The following RNF19A variants were observed in gnomAD, a reference collection of about 807,000 sequenced individuals.
RNF19A encodes ring finger protein 19A, RBR E3 ubiquitin protein ligase, also known as E3 ubiquitin-protein ligase RNF19A.
Under a neutral mutation model 75.7 loss-of-function variants are expected in RNF19A, and 32 were observed. That is an observed-to-expected ratio of 0.42 (90% CI 0.32 to 0.57). The LOEUF (loss-of-function observed/expected upper bound fraction) is 0.57, where lower values mean the gene tolerates loss of function less well. RNF19A is among the 20% of genes least tolerant of loss of function. The pLI, the probability that RNF19A is intolerant of heterozygous loss-of-function variation, is 0.10. For missense variants in RNF19A, 782 were observed against 1,036.3 expected (o/e 0.75, Z 3.37); for synonymous variants, 335 against 345.2 (o/e 0.97, Z 0.33).
chr8:100,321,589 G>A (rs1822466472), intron 1 of RNF19A, among the ~76,000 whole-genome samples: 1 of 152,226 alleles, frequency 6.6e-6, no homozygotes, highest in Non-Finnish European at 1.5e-5. Flanking sequence ...CGCTTCCCAT[G>A]AATGACAAAT....
chr8:100,334,943 T>C (rs1438508766), intron 1 of RNF19A, among the ~76,000 whole-genome samples: 1 of 152,218 alleles, frequency 6.6e-6, no homozygotes, highest in Non-Finnish European at 1.5e-5. Flanking sequence ...AATGGGTAGA[T>C]AGACCAGCAC....
At chr8:100,320,866 T>C (rs1176568007) in intron 1 of RNF19A, among the ~76,000 whole-genome samples, 1 of 152,230 alleles carries the variant, frequency 6.6e-6, no homozygotes, top group Non-Finnish European at 1.5e-5. Flanking sequence ...GGTTTCCTAT[T>C]ATATAAAAGT....
intron 1 of RNF19A, among the ~76,000 whole-genome samples, chr8:100,316,920 C>T (rs1191650967): frequency 6.6e-6 from 1 of 152,216 alleles, no homozygotes; most frequent in Non-Finnish European, 1.5e-5. Context: ...CCCTGCCCCG[C>T]GGGAAGGCAG....
rs1820947135 is a variant in RNF19A at position 100,284,957 on chromosome 8, T to C, written c.674+2544A>G. Among the ~76,000 whole-genome samples the C allele has an allele frequency of 6.6e-6, 1 of 152,126 alleles. No individual in the cohort carries two copies. Among genetic ancestry groups the C allele is most frequent in the East Asian group, 1.9e-4 (1 of 5,204 alleles). The stretch of plus-strand genomic sequence containing the variant: ...ATGAACTGGAAATCAGAACCTTTAT[T>C]TACCAGTGGCTTTACAAGTAACTTG... On this transcript the variant is annotated intron_variant, in intron 2 of 9. Coordinates refer to ENST00000341084, the MANE Select transcript of RNF19A (RefSeq NM_183419.4). The surrounding 1 kb of genome is among the most constrained non-coding windows in gnomAD (Gnocchi z 4.3).
In RNF19A at chr8:100,284,622, A is replaced by G. The variant is rs1820933153; in HGVS notation, c.674+2879T>C. ...GCAAGTGTTTCTATTATTTTATGAT[A>G]TTTTATATTTGAGTTAACATTTGAA... is the stretch of plus-strand genomic sequence containing the variant. On this transcript the variant is annotated intron_variant, in intron 2 of 9. Transcript: ENST00000341084. The surrounding 1 kb of genome is among the most constrained non-coding windows in gnomAD (Gnocchi z 4.3). 6.6e-6 allele frequency among the ~76,000 whole-genome samples: 1 copy of G among 152,084 alleles called. No homozygotes were observed. Among genetic ancestry groups the G allele is most frequent in the Non-Finnish European group, 1.5e-5 (1 of 67,954 alleles).
chr8:100,268,361 C>T (rs1275460349), intron 5 of RNF19A, among the ~76,000 whole-genome samples: 1 of 151,970 alleles, frequency 6.6e-6, no homozygotes, highest in Non-Finnish European at 1.5e-5. Flanking sequence ...AAAAAAAAAG[C>T]TTTGAACTAC....
In RNF19A at chr8:100,257,918, C is replaced by A; in HGVS notation, c.*638G>T. 1 of 398,218 alleles carries A rather than the reference C, an allele frequency of 2.5e-6. No individual in the cohort carries two copies. Among genetic ancestry groups the A allele is most frequent in the Non-Finnish European group, 4.4e-6 (1 of 225,658 alleles). The allele number at this position is 398,218 out of a possible 1,614,324, so 24.7% of individuals were successfully genotyped here. A position where few individuals can be genotyped will look rare whatever the true frequency, so the allele number is the denominator to read the frequency against. On this transcript the variant is annotated 3_prime_UTR_variant, in exon 10 of 10. Transcript: ENST00000341084. ...ATTTTTTCCTCTAAGATGGCATCAA[C>A]AATAAACAAGATAGAGTACCAGGTA...
At chr8:100,326,893 T>C (rs766322330) in intron 1 of RNF19A, among the ~76,000 whole-genome samples, 18 of 152,234 alleles carry the variant, frequency 1.2e-4, no homozygotes, top group Non-Finnish European at 2.2e-4. Context: ...TTTATTTAAG[T>C]GTTATCTTAT....
chr8:100,289,356 A>C lies in RNF19A; in HGVS notation c.-93-1089T>G, dbSNP rs1586651446. ...CCAACCATAAAATAAAAGACTGATA[A>C]ACTGGACTAGAATAAAATCAACAGA... On this transcript the variant is annotated intron_variant, in intron 1 of 9. Coordinates refer to ENST00000341084, the MANE Select transcript of RNF19A (RefSeq NM_183419.4). Among the ~76,000 whole-genome samples the C allele has an allele frequency of 2.0e-5, 3 of 152,344 alleles. No individual in the cohort carries two copies. In the South Asian group the frequency reaches 6.2e-4, roughly 32 times the overall value.
Position 100,264,321 on chromosome 8 carries a change from TG to T in RNF19A, c.1307-127del. 1.2e-6 allele frequency: 1 copy of T among 826,868 alleles called. No individual in the cohort carries two copies. The highest frequency in any genetic ancestry group is 1.8e-6 in the Non-Finnish European group (1 of 549,148). The allele number at this position is 826,868 out of a possible 1,614,324, so 51.2% of individuals were successfully genotyped here. A position where few individuals can be genotyped will look rare whatever the true frequency, so the allele number is the denominator to read the frequency against. On this transcript the variant is annotated intron_variant, in intron 6 of 9. Coordinates refer to ENST00000341084, the MANE Select transcript of RNF19A (RefSeq NM_183419.4). This position sits in a 1 kb window ranked among gnomAD's most constrained non-coding sequence, Gnocchi z 4.7. Reference sequence around the variant, plus strand: ...AGCGCCAGGGTTCTGAAGAGTTGGCTGGAACATTTGCCAAAAGTAGATTTAC... The same window carrying T: ...AGCGCCAGGGTTCTGAAGAGTTGGCTGAACATTTGCCAAAAGTAGATTTAC...
At chr8:100,310,229 G>A (rs1269901818), upstream of RNF19A, 2 of 985,062 alleles carry the variant, frequency 2.0e-6, no homozygotes, top group African/African-American at 1.7e-5. Context: ...CGGGCCCGCT[G>A]CGGGCGGCTC....
rs1263911472 is a variant in RNF19A at position 100,333,847 on chromosome 8, A to G, written c.-243+2261T>C. 1.3e-5 allele frequency among the ~76,000 whole-genome samples: 2 copies of G among 152,052 alleles called. No homozygotes were observed. The highest frequency in any genetic ancestry group is 2.9e-5 in the Non-Finnish European group (2 of 68,002). On this transcript the variant is annotated intron_variant, in intron 1 of 3. Transcript: ENST00000519527. The surrounding 1 kb of genome is among the most constrained non-coding windows in gnomAD (Gnocchi z 4.7). Reference sequence around the variant, plus strand: ...CAATAACAACAAAAACCGAAAACACATTGTCTATCTTTATTTACGACCCCA... The same window carrying G: ...CAATAACAACAAAAACCGAAAACACGTTGTCTATCTTTATTTACGACCCCA...
Position 100,261,515 on chromosome 8 carries a change from A to T in RNF19A, c.1682+27T>A. 9 of 1,590,226 alleles carry T rather than the reference A, an allele frequency of 5.7e-6. No individual in the cohort carries two copies. Among genetic ancestry groups the T allele is most frequent in the Non-Finnish European group, 7.8e-6 (9 of 1,159,348 alleles). ...TAATAATTTGTAGTTACCAGAAAGC[A>T]GAACCAAACCAAACCAAAACACACA... On this transcript the variant is annotated intron_variant, in intron 8 of 9. Transcript: ENST00000341084. The surrounding 1 kb of genome is among the most constrained non-coding windows in gnomAD (Gnocchi z 4.4).
At position 100,258,673 on chromosome 8, in the gene RNF19A, A is replaced by C; in HGVS notation, c.2400T>G (p.Gly800=). ...SQLNHIAEEH[G]NNGIKPNVDL... ...CAACATTAGGTTTTATTCCATTGTT[A>C]CCATGTTCTTCAGCAATATGATTCA... The change falls in exon 10 of 10, where the codon GGT becomes GGG. Residue 800 remains glycine, a synonymous_variant. Coordinates refer to ENST00000341084, the MANE Select transcript of RNF19A (RefSeq NM_183419.4). This position sits in a 1 kb window ranked among gnomAD's most constrained non-coding sequence, Gnocchi z 4.3. The C allele has an allele frequency of 6.2e-7, 1 of 1,614,186 alleles. No individual in the cohort carries two copies. Among genetic ancestry groups the C allele is most frequent in the Non-Finnish European group, 8.5e-7 (1 of 1,180,012 alleles).
At chr8:100,272,913 T>G (rs771719271) in intron 3 of RNF19A, among the ~76,000 whole-genome samples, 15 of 151,950 alleles carry the variant, frequency 9.9e-5, no homozygotes, top group Non-Finnish European at 1.8e-4. Context: ...TCACCCAGGC[T>G]GGAGTGCAGT....
chr8:100,278,599 G>A (rs1446997326), intron 2 of RNF19A, among the ~76,000 whole-genome samples: 1 of 151,996 alleles, frequency 6.6e-6, no homozygotes, highest in Non-Finnish European at 1.5e-5. Context: ...ATAAATTTAG[G>A]AAGAATATAT....
At chr8:100,316,103 G>A (rs759146372) in intron 1 of RNF19A, among the ~76,000 whole-genome samples, 85 of 152,184 alleles carry the variant, frequency 5.6e-4, no homozygotes, top group Non-Finnish European at 7.5e-4. Context: ...TGGTGGGTTC[G>A]TGGTCTCGCT....
At chr8:100,289,426 T>C (rs560085111) in intron 1 of RNF19A, among the ~76,000 whole-genome samples, 71 of 152,256 alleles carry the variant, frequency 4.7e-4, no homozygotes, top group African/African-American at 1.4e-3. Context: ...ATATAACTAA[T>C]AAAGGCACAG....
rs572634995 is a variant in RNF19A at position 100,330,742 on chromosome 8, C to T, written c.-243+5366G>A. On this transcript the variant is annotated intron_variant, in intron 1 of 3. Coordinates refer to the RNF19A transcript ENST00000519527. The surrounding 1 kb of genome is among the most constrained non-coding windows in gnomAD (Gnocchi z 4.1). ...TCTCTTGAAGCCAAAGTAGTCTGAACAATATGTTTGTCCTTTCAGTTTCTA... is the reference window on the plus strand; with the variant it reads ...TCTCTTGAAGCCAAAGTAGTCTGAATAATATGTTTGTCCTTTCAGTTTCTA... Among the ~76,000 whole-genome samples the T allele has an allele frequency of 4.0e-4, 61 of 152,322 alleles. No individual in the cohort carries two copies. Among genetic ancestry groups the T allele is most frequent in the African/African-American group, 1.4e-3 (60 of 41,580 alleles).
Sources: allele counts gnomAD v4.1 joint callset (sites outside exome capture counted in the v4.1 genomes callset), GRCh38; gene constraint gnomAD v4.1.1; non-coding constraint Gnocchi (gnomAD v3.1); transcripts MANE v1.5; gene names NCBI Gene and HGNC (gene_info 2026-07-23, HGNC 2026-07-21).